The following SPOP variants were observed in gnomAD, a reference collection of about 807,000 sequenced individuals.
The protein encoded by SPOP is speckle type BTB/POZ protein.
Under a neutral mutation model 45.6 loss-of-function variants are expected in SPOP, and 11 were observed. The observed-to-expected ratio is 0.24, with a 90% CI of 0.15 to 0.40. SPOP has a LOEUF of 0.40. Ranked by LOEUF, SPOP falls within the 10% of genes least tolerant of loss-of-function variation. The probability of loss-of-function intolerance (pLI) is 1.00; values close to 1 mark genes in which losing one functional copy is unlikely to be tolerated. For missense variants in SPOP, 152 were observed against 465.6 expected (o/e 0.33, Z 6.20); for synonymous variants, 166 against 166.3 (o/e 1.00, Z 0.01).
rs891939513 is a variant in SPOP, at chr17:49,673,302, A to G, written c.-67+4631T>C. ...GGGTGGATCACGAGGTCAGGAGATCAAGACCATCCTGGCTAACATGGTGAA... is the reference window on the plus strand; with the variant it reads ...GGGTGGATCACGAGGTCAGGAGATCGAGACCATCCTGGCTAACATGGTGAA... On this transcript the variant is annotated intron_variant, in intron 1 of 9. Coordinates refer to ENST00000504102, the MANE Select transcript of SPOP (RefSeq NM_001007228.2). Among the ~76,000 whole-genome samples the G allele has an allele frequency of 1.2e-4, 18 of 152,046 alleles. 1 individual carries two copies. In the East Asian group the frequency reaches 2.7e-3, roughly 23 times the overall value.
intron 1 of SPOP, among the ~76,000 whole-genome samples, chr17:49,630,399 T>C (rs1391222443): frequency 6.6e-6 from 1 of 152,198 alleles, no homozygotes; most frequent in Non-Finnish European, 1.5e-5. Context: ...TTTTGAATAT[T>C]TGTTATGAGT....
intron 1 of SPOP, among the ~76,000 whole-genome samples, chr17:49,671,471 G>T (rs2073134791): frequency 6.6e-6 from 1 of 151,958 alleles, no homozygotes; most frequent in African/African-American, 2.4e-5. Flanking sequence ...TCTTGTGACA[G>T]AAAGCAAGGA....
At chr17:49,662,829 T>C (rs1312076426) in intron 1 of SPOP, among the ~76,000 whole-genome samples, 2 of 152,178 alleles carry the variant, frequency 1.3e-5, no homozygotes, top group Non-Finnish European at 2.9e-5. Context: ...AACGATCCGG[T>C]AAAATTCCAT....
chr17:49,600,308 T>A lies in SPOP; in HGVS notation c.*70A>T. ...AGCTCCACAGATTGCGCTGTCTACCTGGTGGTCAGTGGCAGCAACAGTGGC... is the reference window on the plus strand; with the variant it reads ...AGCTCCACAGATTGCGCTGTCTACCAGGTGGTCAGTGGCAGCAACAGTGGC... On this transcript the variant is annotated 3_prime_UTR_variant, in exon 10 of 10. Coordinates refer to ENST00000504102, the MANE Select transcript of SPOP (RefSeq NM_001007228.2). This position sits in a 1 kb window ranked among gnomAD's most constrained non-coding sequence, Gnocchi z 4.2. 1 of 1,597,028 alleles carries A rather than the reference T, an allele frequency of 6.3e-7. No homozygotes were observed.
Position 49,600,130 on chromosome 17 carries a change from C to A in SPOP, c.*248G>T. On this transcript the variant is annotated 3_prime_UTR_variant, in exon 10 of 10. Coordinates refer to ENST00000504102, the MANE Select transcript of SPOP (RefSeq NM_001007228.2). The surrounding 1 kb of genome is among the most constrained non-coding windows in gnomAD (Gnocchi z 4.2). ...GGCCAGCGCCTAAACTGAATCCCCACAGTATCAAACTCAGCCAGGCCAAAG... is the reference window on the plus strand; with the variant it reads ...GGCCAGCGCCTAAACTGAATCCCCAAAGTATCAAACTCAGCCAGGCCAAAG... 7.6e-6 allele frequency: 4 copies of A among 525,806 alleles called. No individual in the cohort carries two copies. In the South Asian group the frequency reaches 9.6e-5, roughly 13 times the overall value. 32.6% of individuals were successfully genotyped at this position (525,806 alleles called of 1,614,324 possible).
intron 5 of SPOP, chr17:49,612,720 C>T (rs1430914175): frequency 6.6e-6 from 1 of 152,170 alleles, no homozygotes; most frequent in African/African-American, 2.4e-5. Context: ...TGTTGTTATG[C>T]TTCATCTCCT....
intron 8 of SPOP, among the ~76,000 whole-genome samples, chr17:49,606,495 CTTTTTTTTTT>C (rs71146920): frequency 4.3e-5 from 3 of 69,336 alleles, no homozygotes; most frequent in African/African-American, 6.1e-5. Flanking sequence ...TTTCTTTTTT[CTTTTTTTTTT>C]TTTTTTTTTT....
chr17:49,640,117 G>A (rs1170926141), intron 1 of SPOP, among the ~76,000 whole-genome samples: 3 of 152,050 alleles, frequency 2.0e-5, no homozygotes, highest in Non-Finnish European at 4.4e-5. Context: ...GCCAGATGTG[G>A]TGGCGCACAC....
At chr17:49,664,699 C>A (rs1185469395) in intron 1 of SPOP, among the ~76,000 whole-genome samples, 1 of 152,198 alleles carries the variant, frequency 6.6e-6, no homozygotes, top group African/African-American at 2.4e-5. Context: ...TCACCCGCAA[C>A]TGAAGTTGAA....
intron 5 of SPOP, among the ~76,000 whole-genome samples, chr17:49,615,598 C>T (rs762819807): frequency 5.3e-5 from 8 of 152,122 alleles, no homozygotes; most frequent in Non-Finnish European, 7.4e-5. Flanking sequence ...ACCACAACCT[C>T]GATCTCCTGG....
At chr17:49,672,069 GGCAGAGGTT>G (rs2073142922) in intron 1 of SPOP, among the ~76,000 whole-genome samples, 1 of 152,140 alleles carries the variant, frequency 6.6e-6, no homozygotes, top group Non-Finnish European at 1.5e-5. Context: ...GAATCCAGGA[GGCAGAGGTT>G]GCAGTGAGCC....
chr17:49,611,886 C>CTTT (rs58317598), intron 5 of SPOP, among the ~76,000 whole-genome samples: 14 of 146,320 alleles, frequency 9.6e-5, no homozygotes, highest in African/African-American at 3.0e-4. Flanking sequence ...AATCTGATCA[C>CTTT]TTTTTTTTTT....
intron 1 of SPOP, among the ~76,000 whole-genome samples, chr17:49,625,767 T>C (rs553052063): frequency 3.3e-5 from 5 of 152,120 alleles, no homozygotes; most frequent in Non-Finnish European, 7.4e-5. Context: ...ACAGTAAAAG[T>C]AAAAAACAAC....
intron 1 of SPOP, chr17:49,667,884 G>A (rs1452772059): frequency 6.6e-6 from 1 of 152,176 alleles, no homozygotes; most frequent in Non-Finnish European, 1.5e-5. Flanking sequence ...AACAAAATAT[G>A]CAATGGAATA....
At chr17:49,673,172 A>C (rs543005789) in intron 1 of SPOP, among the ~76,000 whole-genome samples, 52 of 152,260 alleles carry the variant, frequency 3.4e-4, no homozygotes, top group East Asian at 1.9e-4. Context: ...TTAAGGGTAA[A>C]GTGTCATGAT....
At chr17:49,604,682 C>A (rs2071803578) in intron 8 of SPOP, among the ~76,000 whole-genome samples, 1 of 152,198 alleles carries the variant, frequency 6.6e-6, no homozygotes, top group African/African-American at 2.4e-5. Flanking sequence ...CTCACGCCAA[C>A]TCTACTTGTC....
At chr17:49,646,461 G>A (rs1168727773) in intron 1 of SPOP, 1 of 151,982 alleles carries the variant, frequency 6.6e-6, no homozygotes, top group Non-Finnish European at 1.5e-5. Flanking sequence ...CTACTTGGGA[G>A]GTGGAGGCCA....
At chr17:49,674,640 T>C (rs895632221) in intron 1 of SPOP, among the ~76,000 whole-genome samples, 2 of 152,252 alleles carry the variant, frequency 1.3e-5, no homozygotes, top group African/African-American at 4.8e-5. Flanking sequence ...GATTAGCTTT[T>C]CAATTTCTCA....
intron 1 of SPOP, among the ~76,000 whole-genome samples, chr17:49,628,444 G>A (rs2072382247): frequency 6.6e-6 from 1 of 151,796 alleles, no homozygotes; most frequent in African/African-American, 2.4e-5. Flanking sequence ...ATAAGACCAT[G>A]AAGTCATTAA....
Sources: gnomAD v4.1 joint callset for allele counts (sites outside exome capture counted in the v4.1 genomes callset) on GRCh38, gnomAD v4.1.1 for gene constraint, Gnocchi (gnomAD v3.1) non-coding constraint, MANE v1.5 for transcripts, NCBI Gene and HGNC (gene_info 2026-07-23, HGNC 2026-07-21) for gene names.